The following LRRC36 variants were observed in gnomAD, a reference collection of about 807,000 sequenced individuals.
LRRC36 encodes the protein leucine rich repeat containing 36, also known as leucine-rich repeat-containing protein 36.
In LRRC36, 62 loss-of-function variants were observed where a neutral mutation model predicts 81.1. The ratio of observed to expected loss-of-function variants is 0.76; its 90% CI spans 0.62 to 0.94. The LOEUF (loss-of-function observed/expected upper bound fraction) is 0.94. LRRC36 is among the 40% of genes least tolerant of loss of function. LRRC36 has a pLI of 0.00. For missense variants in LRRC36, 761 were observed against 881.7 expected (o/e 0.86, Z 1.73); for synonymous variants, 334 against 348.6 (o/e 0.96, Z 0.47).
chr16:67,354,036 G>A (rs2038780729), intron 5 of LRRC36, among the ~76,000 whole-genome samples: 1 of 152,038 alleles, frequency 6.6e-6, no homozygotes, highest in African/African-American at 2.4e-5. Context: ...TCCTTTACTT[G>A]GTGTATAAGA....
chr16:67,338,865 ATTTTTTTTTTTTTTTTTTTTTTTTT>A (rs71145967), intron 1 of LRRC36, among the ~76,000 whole-genome samples: 183 of 45,398 alleles, frequency 4.0e-3, no homozygotes, highest in Admixed American at 8.5e-3. Context: ...TGGAAGCTGA[ATTTTTTTTTTTTTTTTTTTTTTTTT>A]TTTTTTTTTT....
intron 1 of LRRC36, among the ~76,000 whole-genome samples, chr16:67,330,905 C>T (rs2037450624): frequency 6.6e-6 from 1 of 151,984 alleles, no homozygotes; most frequent in Admixed American, 6.6e-5. Context: ...TCCCTTTTCT[C>T]TTGTCATAAC....
chr16:67,367,015 A>C lies in LRRC36; in HGVS notation c.755-2A>C. 1 of 1,587,184 alleles carries C rather than the reference A, an allele frequency of 6.3e-7. No individual in the cohort carries two copies. The highest frequency in any genetic ancestry group is 8.6e-7 in the Non-Finnish European group (1 of 1,168,494). ...TTGTTTTTTTGCCTTGGTGGTGTTT[A>C]GAGTTCAGACACTACTCGCCTCGTC... On this transcript the variant is annotated splice_acceptor_variant, in intron 7 of 13. Transcript: ENST00000329956. LOFTEE classifies it high-confidence loss of function.
At chr16:67,332,972 G>A (rs1250152357) in intron 1 of LRRC36, among the ~76,000 whole-genome samples, 1 of 151,644 alleles carries the variant, frequency 6.6e-6, no homozygotes, top group Non-Finnish European at 1.5e-5. Flanking sequence ...GCTCACTGCA[G>A]TCCCGACCTC....
At chr16:67,365,209 C>G (rs1260829358) in intron 6 of LRRC36, 95 bp from the exon 7 acceptor site, 1 of 707,324 alleles carries the variant, frequency 1.4e-6, no homozygotes, top group Non-Finnish European at 2.5e-6. Context: ...TAGTCTTTCC[C>G]ATTAATAGGA....
chr16:67,357,603 G>A (rs1252253419), intron 5 of LRRC36, among the ~76,000 whole-genome samples: 1 of 152,166 alleles, frequency 6.6e-6, no homozygotes, highest in Non-Finnish European at 1.5e-5. Flanking sequence ...TGAAATGCCT[G>A]GGTCTTTGTA....
chr16:67,349,656 C>G (rs1397086109), intron 4 of LRRC36, among the ~76,000 whole-genome samples: 1 of 152,188 alleles, frequency 6.6e-6, no homozygotes, highest in Non-Finnish European at 1.5e-5. Flanking sequence ...TCTAAATCTT[C>G]TGGCTTTCAC....
At chr16:67,382,008 A>G (rs781340849) in intron 12 of LRRC36, 125 bp from the exon 13 acceptor site, 35 of 649,870 alleles carry the variant, frequency 5.4e-5, no homozygotes, top group Non-Finnish European at 9.2e-5. Context: ...AAGTAAGGCA[A>G]TGGAGTGTGA....
chr16:67,378,599 A>T lies in LRRC36; in HGVS notation c.1817A>T (p.Lys606Met). The change falls in exon 12 of 14, where the codon AAG becomes ATG. Residue 606 changes from lysine to methionine, a missense_variant. This residue lies in a region of LRRC36 where 359 missense variants were observed against 388.4 expected (regional missense o/e 0.92). Coordinates refer to ENST00000329956, the MANE Select transcript of LRRC36 (RefSeq NM_018296.6). The part of the protein sequence containing the change: ...QLVPNDMESL[K>M]QKLVRVLEEN... ...TTTTCTAATCTAAAGGAAAGTTTGA[A>T]GCAAAAACTGGTCAGAGTGCTGGAG... is the stretch of plus-strand genomic sequence containing the variant. The T allele has an allele frequency of 6.2e-7, 1 of 1,613,980 alleles. No homozygotes were observed. The highest frequency in any genetic ancestry group is 8.5e-7 in the Non-Finnish European group (1 of 1,179,888).
At chr16:67,367,914 G>A (rs1415718433) in intron 8 of LRRC36, among the ~76,000 whole-genome samples, 1 of 152,166 alleles carries the variant, frequency 6.6e-6, no homozygotes, top group Non-Finnish European at 1.5e-5. Context: ...CAAAATAGCT[G>A]AGCATGGTGG....
chr16:67,368,437 T>A (rs1176377382), intron 8 of LRRC36, among the ~76,000 whole-genome samples: 1 of 152,144 alleles, frequency 6.6e-6, no homozygotes, highest in Non-Finnish European at 1.5e-5. Context: ...TTGAATGAAG[T>A]GGGAGTATAA....
At chr16:67,383,005 G>A (rs934033377) in intron 13 of LRRC36, among the ~76,000 whole-genome samples, 4 of 150,572 alleles carry the variant, frequency 2.7e-5, no homozygotes, top group Non-Finnish European at 4.4e-5. Context: ...CTTGGGAGGC[G>A]GAGATAGCAG....
chr16:67,335,996 T>C (rs2037744801), intron 1 of LRRC36, among the ~76,000 whole-genome samples: 1 of 152,206 alleles, frequency 6.6e-6, no homozygotes, highest in Non-Finnish European at 1.5e-5. Flanking sequence ...TCTCCCAAAG[T>C]GTTGGGATTA....
Position 67,384,719 on chromosome 16 carries a change from CT to C in LRRC36, c.2046-147del, listed in dbSNP as rs2040231386. ...TTGTAATGAAGAAACTTTAAGTCTG[CT>C]TTTAAAATAACTCAATCATAAATTG... On this transcript the variant is annotated intron_variant, in intron 13 of 13. Coordinates refer to ENST00000329956, the MANE Select transcript of LRRC36 (RefSeq NM_018296.6). 9.8e-6 allele frequency: 6 copies of C among 615,264 alleles called. No individual in the cohort carries two copies. In the South Asian group the frequency reaches 1.2e-4, roughly 12 times the overall value. 38.1% of individuals were successfully genotyped at this position (615,264 alleles called of 1,614,324 possible). A position where few individuals can be genotyped will look rare whatever the true frequency, so the allele number is the denominator to read the frequency against.
intron 3 of LRRC36, chr16:67,347,219 C>T (rs1226856564): frequency 1.1e-5 from 4 of 359,586 alleles, no homozygotes; most frequent in Admixed American, 4.7e-5. Flanking sequence ...ACTTTCAGCC[C>T]TAACATTAGG....
At chr16:67,346,519 T>A in intron 3 of LRRC36, 71 bp downstream of exon 3, 1 of 1,001,006 alleles carries the variant, frequency 1.0e-6, no homozygotes, top group Non-Finnish European at 1.5e-6. Flanking sequence ...ACCTTTTGGA[T>A]GTTGGCCCAC....
rs988545000 is a variant in LRRC36, at chr16:67,375,411, C to G, written c.1659C>G (p.Leu553=). 1 of 1,575,890 alleles carries G rather than the reference C, an allele frequency of 6.3e-7. No individual in the cohort carries two copies. Among genetic ancestry groups the G allele is most frequent in the African/African-American group, 1.4e-5 (1 of 72,400 alleles). The change falls in exon 10 of 14, where the codon CTC becomes CTG. Residue 553 remains leucine, a splice_region_variant and synonymous_variant. Coordinates refer to ENST00000329956, the MANE Select transcript of LRRC36 (RefSeq NM_018296.6). ...CCCTCCTCCTCAACAAGAAGTTTCT[C>G]GGTGAGTGAATGCATTCTCTGTCCT... The part of the protein sequence containing the change: ...SGSLLLNKKF[L]GPARDLLLSL...
chr16:67,337,920 T>C (rs111427513), intron 1 of LRRC36, among the ~76,000 whole-genome samples: 13,430 of 151,834 alleles, frequency 0.088, 980 homozygotes, highest in African/African-American at 0.2. Context: ...ACTCCATCTC[T>C]ACTAAAAATA....
chr16:67,352,530 C>G (rs1213224434), intron 5 of LRRC36, among the ~76,000 whole-genome samples: 1 of 152,082 alleles, frequency 6.6e-6, no homozygotes, highest in Non-Finnish European at 1.5e-5. Flanking sequence ...TCTCTCTTCC[C>G]ATATCCCCGA....
Sources: allele counts gnomAD v4.1 joint callset (sites outside exome capture counted in the v4.1 genomes callset), GRCh38; gene constraint gnomAD v4.1.1; regional missense constraint gnomAD v4.1.1; transcripts MANE v1.5; gene names NCBI Gene and HGNC (gene_info 2026-07-23, HGNC 2026-07-21).